The following GSDME variants were observed in gnomAD, a reference collection of about 807,000 sequenced individuals.
GSDME encodes gasdermin E.
A neutral mutation model predicts 47.5 loss-of-function variants in GSDME; 44 were observed. That is an observed-to-expected ratio of 0.93 (90% CI 0.73 to 1.19). The LOEUF (loss-of-function observed/expected upper bound fraction) is 1.19. GSDME is among the 50% of genes most tolerant of loss of function. GSDME has a pLI of 0.00. For synonymous variants in GSDME, 258 were observed against 252.8 expected (o/e 1.02, Z -0.20); for missense variants, 663 against 604.2 (o/e 1.10, Z -1.02).
the GSDME span, among the ~76,000 whole-genome samples, chr7:24,782,752 T>C: frequency 6.6e-6 from 1 of 152,216 alleles, no homozygotes; most frequent in African/African-American, 2.4e-5. Context: ...TTTTAATGAT[T>C]GCCATTCTAA....
chr7:24,706,058 G>T (rs60829340), intron 8 of GSDME, 126 bp downstream of exon 8: 8 of 1,204,986 alleles, frequency 6.6e-6, no homozygotes, highest in Non-Finnish European at 8.3e-6. Context: ...CCCTGTACCA[G>T]AAGGGAAGGA....
At chr7:24,718,045 T>C (rs1476437611) in intron 4 of GSDME, among the ~76,000 whole-genome samples, 1 of 152,250 alleles carries the variant, frequency 6.6e-6, no homozygotes, top group Non-Finnish European at 1.5e-5. Flanking sequence ...CAGAGTGTGT[T>C]GCTTTGGGTT....
chr7:24,744,354 C>T lies in GSDME; in HGVS notation c.404+208G>A. On this transcript the variant is annotated intron_variant, in intron 3 of 9. Transcript: ENST00000645220. The surrounding 1 kb of genome is among the most constrained non-coding windows in gnomAD (Gnocchi z 4.5). ...GAAGTAACATCCTTTGAAAGTGCTT[C>T]CCAAGTCTCCCCCCACTCAGGCTAA... 1 of 611,762 alleles carries T rather than the reference C, an allele frequency of 1.6e-6. No homozygotes were observed. The highest frequency in any genetic ancestry group is 2.9e-6 in the Non-Finnish European group (1 of 344,892). The allele number at this position is 611,762 out of a possible 1,614,324, so 37.9% of individuals were successfully genotyped here. A position where few individuals can be genotyped will look rare whatever the true frequency, so the allele number is the denominator to read the frequency against.
At chr7:24,702,974 G>A in intron 8 of GSDME, 141 bp from the exon 9 acceptor site, 1 of 662,458 alleles carries the variant, frequency 1.5e-6, no homozygotes, top group Admixed American at 2.1e-5. Flanking sequence ...TGCTGAGTTA[G>A]TGAATGAATG....
intron 1 of GSDME, among the ~76,000 whole-genome samples, chr7:24,751,853 C>A (rs1384443357): frequency 1.3e-5 from 2 of 152,192 alleles, no homozygotes; most frequent in African/African-American, 4.8e-5. Context: ...AAAATAATTT[C>A]TCTCCTCAAT....
intron 9 of GSDME, among the ~76,000 whole-genome samples, chr7:24,701,683 C>G (rs1427149565): frequency 6.6e-6 from 1 of 152,190 alleles, no homozygotes; most frequent in African/African-American, 2.4e-5. Flanking sequence ...TTTCCATAAC[C>G]AGACTGTGCC....
chr7:24,776,793 T>C, the GSDME span, among the ~76,000 whole-genome samples: 1 of 152,162 alleles, frequency 6.6e-6, no homozygotes, highest in Admixed American at 6.5e-5. Flanking sequence ...TCTGAAGAAA[T>C]TGGATGCAAA....
chr7:24,776,588 G>T, the GSDME span, among the ~76,000 whole-genome samples: 1 of 152,146 alleles, frequency 6.6e-6, no homozygotes. Flanking sequence ...TCAAGAGTTT[G>T]TTTTTATGTC....
At chr7:24,771,905 C>A in the GSDME span, among the ~76,000 whole-genome samples, 5 of 152,178 alleles carry the variant, frequency 3.3e-5, no homozygotes, top group Non-Finnish European at 7.3e-5. This position sits in a 1 kb window ranked among gnomAD's most constrained non-coding sequence, Gnocchi z 4.1. Context: ...TGAGAGCATC[C>A]CTGACGTGAA....
intron 6 of GSDME, 139 bp downstream of exon 6, chr7:24,710,085 C>A: frequency 1.0e-6 from 1 of 959,276 alleles, no homozygotes; most frequent in South Asian, 1.3e-5. Flanking sequence ...TGGACTGGGC[C>A]TCGGCGGCAT....
In GSDME at chr7:24,739,592, T is replaced by C. The variant is rs931018781; in HGVS notation, c.404+4970A>G. ...TGGAGATTCCTCAAAAAACTAAAAA[T>C]AGAGCTACCATACTATCCAGCATTC... On this transcript the variant is annotated intron_variant, in intron 3 of 9. Coordinates refer to ENST00000645220, the MANE Select transcript of GSDME (RefSeq NM_001127453.2). The surrounding 1 kb of genome is among the most constrained non-coding windows in gnomAD (Gnocchi z 5.1). 6.6e-6 allele frequency among the ~76,000 whole-genome samples: 1 copy of C among 152,096 alleles called. No homozygotes were observed. Among genetic ancestry groups the C allele is most frequent in the Admixed American group, 6.5e-5 (1 of 15,274 alleles).
In GSDME at chr7:24,745,875, G is replaced by T. The variant is rs528955895; in HGVS notation, c.212-1121C>A. ...AAAAATAATAACAAATAAAAATAATGATTTTAAAAATAGTCTCTATCATCA... is the reference window on the plus strand; with the variant it reads ...AAAAATAATAACAAATAAAAATAATTATTTTAAAAATAGTCTCTATCATCA... On this transcript the variant is annotated intron_variant, in intron 2 of 9. Transcript: ENST00000645220. This position sits in a 1 kb window ranked among gnomAD's most constrained non-coding sequence, Gnocchi z 4.4. Among the ~76,000 whole-genome samples the T allele has an allele frequency of 6.6e-6, 1 of 152,238 alleles. No homozygotes were observed. The highest frequency in any genetic ancestry group is 6.5e-5 in the Admixed American group (1 of 15,280).
the GSDME span, among the ~76,000 whole-genome samples, chr7:24,794,046 C>T: frequency 2.6e-5 from 4 of 152,206 alleles, no homozygotes; most frequent in Non-Finnish European, 5.9e-5. Context: ...TATATGATCA[C>T]GGAGAAGACC....
At position 24,702,816 on chromosome 7, in the gene GSDME, C is replaced by T; in HGVS notation, c.1201G>A (p.Ala401Thr). ...SALAEMPDSAAALLGTCCKLQ... is the reference protein window; with the variant it reads ...SALAEMPDSATALLGTCCKLQ... ...TTGCAGCAAGTGCCCAGCAGAGCTG[C>T]TGCGCTATCTGGCATTTCTGCAGGA... Residue 401 changes from alanine (A) to threonine (T), a missense_variant, in exon 9 of 10, where the codon GCA becomes ACA. Transcript: ENST00000645220. 1.2e-6 allele frequency: 2 copies of T among 1,613,386 alleles called. No homozygotes were observed. Among genetic ancestry groups the T allele is most frequent in the South Asian group, 1.1e-5 (1 of 91,036 alleles).
rs373925194 is a variant in GSDME, at chr7:24,714,605, C to T, written c.697+2649G>A. Reference sequence around the variant, plus strand: ...TCCCCAGGGTACCTCTTCTCAGCAGCACAAAGAGGAGTTTATTTTCAAAGA... The same window carrying T: ...TCCCCAGGGTACCTCTTCTCAGCAGTACAAAGAGGAGTTTATTTTCAAAGA... On this transcript the variant is annotated intron_variant, in intron 5 of 9. Coordinates refer to ENST00000645220, the MANE Select transcript of GSDME (RefSeq NM_001127453.2). The surrounding 1 kb of genome is among the most constrained non-coding windows in gnomAD (Gnocchi z 5.0). Among the ~76,000 whole-genome samples the T allele has an allele frequency of 6.6e-6, 1 of 152,096 alleles. No homozygotes were observed. The highest frequency in any genetic ancestry group is 2.4e-5 in the African/African-American group (1 of 41,408).
upstream of GSDME, among the ~76,000 whole-genome samples, chr7:24,761,092 C>A (rs943705082): frequency 6.6e-6 from 1 of 152,232 alleles, no homozygotes; most frequent in African/African-American, 2.4e-5. The surrounding 1 kb of genome is among the most constrained non-coding windows in gnomAD (Gnocchi z 4.4). Context: ...CTTGAAACAA[C>A]AACCACTTTA....
upstream of GSDME, among the ~76,000 whole-genome samples, chr7:24,760,851 C>G (rs1038639369): frequency 1.3e-5 from 2 of 152,114 alleles, no homozygotes; most frequent in Non-Finnish European, 2.9e-5. This position sits in a 1 kb window ranked among gnomAD's most constrained non-coding sequence, Gnocchi z 4.2. Flanking sequence ...TAAATATGGT[C>G]CAGAATTAAA....
chr7:24,734,057 C>T (rs1422551828), intron 3 of GSDME, among the ~76,000 whole-genome samples: 1 of 152,190 alleles, frequency 6.6e-6, no homozygotes, highest in Non-Finnish European at 1.5e-5. Flanking sequence ...GTCACCTCTC[C>T]CCCAGGTCCA....
chr7:24,702,661 G>A (rs1788917218), intron 9 of GSDME, 99 bp downstream of exon 9: 3 of 927,180 alleles, frequency 3.2e-6, no homozygotes, highest in Admixed American at 1.7e-5. Flanking sequence ...GAGCTGTTGT[G>A]GTAAGTCCTA....
Sources: allele counts gnomAD v4.1 joint callset (sites outside exome capture counted in the v4.1 genomes callset), GRCh38; gene constraint gnomAD v4.1.1; non-coding constraint Gnocchi (gnomAD v3.1); transcripts MANE v1.5; gene names NCBI Gene and HGNC (gene_info 2026-07-23, HGNC 2026-07-21).